Variants in PLEKHG5 observed in about 807,000 individuals in gnomAD.
PLEKHG5 encodes pleckstrin homology domain-containing family G member 5.
In PLEKHG5, 52 loss-of-function variants were observed where a neutral mutation model predicts 103.8. The observed-to-expected ratio is 0.50, with a 90% CI of 0.40 to 0.63. The LOEUF (loss-of-function observed/expected upper bound fraction) is 0.63, where lower values mean the gene tolerates loss of function less well. Among genes scored for constraint, PLEKHG5 ranks in the 30% least tolerant of loss-of-function variants. The pLI is 0.00. For synonymous variants in PLEKHG5, 592 were observed against 575.5 expected, an observed-to-expected ratio of 1.03 and a Z score of -0.41; for missense variants, 1,205 against 1,347.6, an observed-to-expected ratio of 0.89 and a Z score of 1.66.
At chr1:6,488,189 G>A (rs896828688) in intron 1 of PLEKHG5, among the ~76,000 whole-genome samples, 14 of 152,324 alleles carry the variant, frequency 9.2e-5, no homozygotes, top group African/African-American at 2.9e-4. Context: ...CCACCCCATC[G>A]TGGGAGTTCC....
At chr1:6,495,903 G>T (rs1375902406), upstream of PLEKHG5, among the ~76,000 whole-genome samples, 4 of 152,220 alleles carry the variant, frequency 2.6e-5, no homozygotes, top group Non-Finnish European at 4.4e-5. Context: ...CACATCACAG[G>T]CAGAAGCGCC....
intron 16 of PLEKHG5, 68 bp from the exon 17 acceptor site, chr1:6,469,744 C>G: frequency 6.5e-7 from 1 of 1,544,866 alleles, no homozygotes; most frequent in Admixed American, 1.7e-5. Flanking sequence ...GTGGCACCAG[C>G]CTCCCCTGGG....
chr1:6,491,775 GAACTCTGAAGTCCTCCCATCC>G, upstream of PLEKHG5: 1 of 791,444 alleles, frequency 1.3e-6, no homozygotes, highest in Non-Finnish European at 1.5e-6. This position sits in a 1 kb window ranked among gnomAD's most constrained non-coding sequence, Gnocchi z 4.1. Flanking sequence ...AGCTGCAAGG[GAACTCTGAAGTCCTCCCATCC>G]AACCTCCACT....
In PLEKHG5 at chr1:6,473,234, C is replaced by G. The variant is rs1261282405; in HGVS notation, c.795+17G>C. 1 of 1,612,434 alleles carries G rather than the reference C, an allele frequency of 6.2e-7. No homozygotes were observed. The highest frequency in any genetic ancestry group is 1.7e-5 in the Admixed American group (1 of 59,848). The stretch of plus-strand genomic sequence containing the variant: ...GGCCAGCCAGCTGCCTGACCCTGGG[C>G]AGATGGGGCCACATACCCGGCCAAA... On this transcript the variant is annotated intron_variant, in intron 8 of 20. Coordinates refer to ENST00000377728, the MANE Select transcript of PLEKHG5 (RefSeq NM_020631.6).
rs1437845642 is a variant in PLEKHG5, at chr1:6,473,446, G to A, written c.600C>T (p.Gly200=). ...ACTCCGACATGTTCTTGCGGCGGCG[G>A]CCAGGGGCCTGGTCAGGGAAGGGTG... The part of the protein sequence containing the change: ...RRESLDILAP[G]RRRKNMSEFL... The change falls in exon 8 of 21, where the codon GGC becomes GGT. Residue 200 remains glycine, a synonymous_variant. Transcript: ENST00000377728. 2 of 1,530,700 alleles carry A rather than the reference G, an allele frequency of 1.3e-6. No individual in the cohort carries two copies. The highest frequency in any genetic ancestry group is 2.5e-5 in the East Asian group (1 of 40,692). 94.8% of individuals were successfully genotyped at this position (1,530,700 alleles called of 1,614,324 possible).
intron 1 of PLEKHG5, among the ~76,000 whole-genome samples, chr1:6,509,666 G>T (rs1401764639): frequency 1.3e-5 from 2 of 152,178 alleles, no homozygotes; most frequent in Non-Finnish European, 2.9e-5. Flanking sequence ...CCTTCCCACT[G>T]CAGGGGTTTT....
chr1:6,467,801 C>A, intron 20 of PLEKHG5, 24 bp downstream of exon 20: 1 of 1,612,202 alleles, frequency 6.2e-7, no homozygotes, highest in South Asian at 1.1e-5. Context: ...AGCCACCTGC[C>A]CTACCCCAGT....
At chr1:6,498,799 G>T (rs1212145393), upstream of PLEKHG5, among the ~76,000 whole-genome samples, 1 of 152,210 alleles carries the variant, frequency 6.6e-6, no homozygotes, top group East Asian at 1.9e-4. Context: ...TTCCCTCTCC[G>T]AGTCTCTGCT....
At chr1:6,471,838 G>A in intron 10 of PLEKHG5, 30 bp from the exon 11 acceptor site, 1 of 1,585,642 alleles carries the variant, frequency 6.3e-7, no homozygotes, top group Non-Finnish European at 8.6e-7. Flanking sequence ...TGTGACTGGG[G>A]TCGGGAGGCT....
chr1:6,501,711 C>T lies in PLEKHG5; in HGVS notation c.-164-5142G>A, dbSNP rs545565504. 5.3e-5 allele frequency among the ~76,000 whole-genome samples: 8 copies of T among 152,266 alleles called. No individual in the cohort carries two copies. The highest frequency in any genetic ancestry group is 1.4e-4 in the African/African-American group (6 of 41,544). ...AGTAACGAGGCTGTGAGTGTGTAAG[C>T]CTCCAAGCCTGTGCTCCTAACCGCC... is the stretch of plus-strand genomic sequence containing the variant. On this transcript the variant is annotated intron_variant, in intron 1 of 21. Coordinates refer to the PLEKHG5 transcript ENST00000377740. The surrounding 1 kb of genome is among the most constrained non-coding windows in gnomAD (Gnocchi z 4.3).
chr1:6,494,334 T>C (rs940911381), upstream of PLEKHG5, among the ~76,000 whole-genome samples: 3 of 151,846 alleles, frequency 2.0e-5, no homozygotes, highest in African/African-American at 7.3e-5. Context: ...TTTCGCCATG[T>C]TGGCCAGGCT....
At chr1:6,482,182 G>A (rs1403080237) in intron 1 of PLEKHG5, among the ~76,000 whole-genome samples, 4 of 151,818 alleles carry the variant, frequency 2.6e-5, no homozygotes, top group East Asian at 1.9e-4. Flanking sequence ...CTCCTCATTC[G>A]CCCTCCACGC....
At position 6,478,986 on chromosome 1, in the gene PLEKHG5, G is replaced by A. The variant is rs114513120; in HGVS notation, c.-87-1328C>T. ...AAACCTACCAAAAATTATAAGAATAGCACATGACATCCACATGCCCTCTGG... is the reference window on the plus strand; with the variant it reads ...AAACCTACCAAAAATTATAAGAATAACACATGACATCCACATGCCCTCTGG... On this transcript the variant is annotated intron_variant, in intron 1 of 20. Coordinates refer to ENST00000377728, the MANE Select transcript of PLEKHG5 (RefSeq NM_020631.6). Among the ~76,000 whole-genome samples the A allele has an allele frequency of 2.7e-3, 404 of 152,180 alleles. 2 individuals are homozygous for A. Among genetic ancestry groups the A allele is most frequent in the African/African-American group, 9.2e-3 (380 of 41,510 alleles).
chr1:6,468,591 G>A lies in PLEKHG5; in HGVS notation c.2250-5C>T, dbSNP rs746215440. ...TCCGTGGAGCCATCTGAGGCACTGT[G>A]GGGCCAGGAGCAGAGTCAGCCCAGG... On this transcript the variant is annotated splice_polypyrimidine_tract_variant and splice_region_variant and intron_variant, in intron 19 of 20. Coordinates refer to ENST00000377728, the MANE Select transcript of PLEKHG5 (RefSeq NM_020631.6). 17 of 1,612,800 alleles carry A rather than the reference G, an allele frequency of 1.1e-5. No homozygotes were observed. The highest frequency in any genetic ancestry group is 1.4e-5 in the Non-Finnish European group (17 of 1,179,932).
chr1:6,485,980 C>G, intron 1 of PLEKHG5: 1 of 831,732 alleles, frequency 1.2e-6, no homozygotes, highest in Non-Finnish European at 1.4e-6. Context: ...TGGTGACACC[C>G]CCCCCCACCT....
Position 6,475,999 on chromosome 1 carries a change from G to T in PLEKHG5, c.81C>A (p.Cys27Ter). Residue 27 changes from cysteine (C) to a stop codon, truncating the protein, a stop_gained, in exon 3 of 21, where the codon TGC becomes TGA. Transcript: ENST00000377728. LOFTEE classifies it high-confidence loss of function. ...VLARNVSTRS[C>*]PPRTSPAVDL... ...CCACTGCGGGGCTGGTGCGCGGCGGGCATGACCGGGTGGACACGTTCCGGG... is the reference window on the plus strand; with the variant it reads ...CCACTGCGGGGCTGGTGCGCGGCGGTCATGACCGGGTGGACACGTTCCGGG... The T allele has an allele frequency of 6.2e-7, 1 of 1,613,648 alleles. No individual in the cohort carries two copies. Among genetic ancestry groups the T allele is most frequent in the South Asian group, 1.1e-5 (1 of 91,086 alleles).
In PLEKHG5 at chr1:6,477,508, GCGGCTCC is replaced by G. The variant is rs527883968; in HGVS notation, c.43+14_43+20del. On this transcript the variant is annotated intron_variant, in intron 2 of 20. Transcript: ENST00000377728. ...ACACAGGAGCTCTGGGGGCCGAGCT[GCGGCTCC>G]CGCCTGTGCTCACCTTGTGGGGGAA... The G allele has an allele frequency of 2.4e-3, 3,911 of 1,608,194 alleles. 7 individuals are homozygous for G. The highest frequency in any genetic ancestry group is 3.0e-3 in the Non-Finnish European group (3,531 of 1,179,388).
At chr1:6,473,502 T>C in intron 7 of PLEKHG5, 48 bp from the exon 8 acceptor site, 1 of 1,440,026 alleles carries the variant, frequency 6.9e-7, no homozygotes, top group Non-Finnish European at 9.2e-7. Flanking sequence ...CCAGCCCCCA[T>C]GGCCCCACCC....
At chr1:6,497,009 G>A, upstream of PLEKHG5, 7 of 1,525,294 alleles carry the variant, frequency 4.6e-6, no homozygotes, top group Non-Finnish European at 6.1e-6. The surrounding 1 kb of genome is among the most constrained non-coding windows in gnomAD (Gnocchi z 6.1). Flanking sequence ...GGTCTGGGGC[G>A]ACCCCCGTTC....
Sources: allele counts gnomAD v4.1 joint callset (sites outside exome capture counted in the v4.1 genomes callset), GRCh38; gene constraint gnomAD v4.1.1; non-coding constraint Gnocchi (gnomAD v3.1); transcripts MANE v1.5; gene names NCBI Gene and HGNC (gene_info 2026-07-23, HGNC 2026-07-21).